Variants in AAGAB observed in about 807,000 individuals in gnomAD.
AAGAB encodes the protein alpha and gamma adaptin binding protein, also known as alpha- and gamma-adaptin-binding protein p34.
Under a neutral mutation model 44.1 loss-of-function variants are expected in AAGAB, and 38 were observed. The observed-to-expected ratio is 0.86, with a 90% CI of 0.67 to 1.13. The LOEUF (loss-of-function observed/expected upper bound fraction) is 1.13. Among genes scored for constraint, AAGAB ranks in the 50% most tolerant of loss-of-function variants. AAGAB has a pLI of 0.00. For synonymous variants in AAGAB, 131 were observed against 131.8 expected (o/e 0.99, Z 0.04); for missense variants, 450 against 373.8 (o/e 1.20, Z -1.68).
At chr15:67,222,821 GC>G (rs1964114597) in intron 5 of AAGAB, among the ~76,000 whole-genome samples, 1 of 152,004 alleles carries the variant, frequency 6.6e-6, no homozygotes. Flanking sequence ...TTTCTCTCCA[GC>G]TCTCACCTAT....
At chr15:67,215,528 T>C (rs776402632) in intron 5 of AAGAB, among the ~76,000 whole-genome samples, 21 of 152,246 alleles carry the variant, frequency 1.4e-4, no homozygotes, top group Non-Finnish European at 2.9e-4. Flanking sequence ...GTTTTTTCCA[T>C]ATTTAAAGTT....
chr15:67,248,749 C>T (rs1321987867), intron 1 of AAGAB, among the ~76,000 whole-genome samples: 3 of 152,200 alleles, frequency 2.0e-5, no homozygotes, highest in South Asian at 4.1e-4. Context: ...GCTGGCTTTC[C>T]TGTGTAACTC....
At chr15:67,211,424 C>T (rs886552534) in intron 5 of AAGAB, among the ~76,000 whole-genome samples, 6 of 152,028 alleles carry the variant, frequency 3.9e-5, no homozygotes, top group Non-Finnish European at 5.9e-5. Context: ...CTCAGAGGCC[C>T]GAGAGAAGCA....
Position 67,202,518 on chromosome 15 carries a change from A to G in AAGAB, c.*303T>C. The G allele has an allele frequency of 3.2e-6, 1 of 309,908 alleles. No homozygotes were observed. Among genetic ancestry groups the G allele is most frequent in the South Asian group, 7.3e-5 (1 of 13,754 alleles). 19.2% of individuals were successfully genotyped at this position (309,908 alleles called of 1,614,324 possible). A position where few individuals can be genotyped will look rare whatever the true frequency, so the allele number is the denominator to read the frequency against. On this transcript the variant is annotated 3_prime_UTR_variant, in exon 10 of 10. Transcript: ENST00000261880. ...AGGAATGGCCTGGAGGTTGTCTTCA[A>G]CTTGAGTAAATCACACAGACCTCTG...
At chr15:67,249,232 A>C (rs1964802862) in intron 1 of AAGAB, among the ~76,000 whole-genome samples, 1 of 152,096 alleles carries the variant, frequency 6.6e-6, no homozygotes, top group Non-Finnish European at 1.5e-5. Context: ...ATGGGGTTTC[A>C]CTATGTTGGC....
intron 4 of AAGAB, among the ~76,000 whole-genome samples, chr15:67,234,641 G>A (rs1323959286): frequency 6.6e-6 from 1 of 152,122 alleles, no homozygotes; most frequent in Non-Finnish European, 1.5e-5. Context: ...ATGAATACAA[G>A]AACATTATTC....
intron 1 of AAGAB, among the ~76,000 whole-genome samples, chr15:67,239,972 G>C (rs1964557740): frequency 6.6e-6 from 1 of 152,168 alleles, no homozygotes; most frequent in African/African-American, 2.4e-5. Flanking sequence ...TGCCTAATAG[G>C]AGCAGAGCCT....
At chr15:67,241,838 T>C (rs1048200823) in intron 1 of AAGAB, among the ~76,000 whole-genome samples, 8 of 152,172 alleles carry the variant, frequency 5.3e-5, no homozygotes, top group African/African-American at 1.9e-4. Flanking sequence ...GAGGAGTTAG[T>C]AAGATACATT....
At chr15:67,236,105 A>T (rs747399003) in intron 3 of AAGAB, 37 bp from the exon 4 acceptor site, 1 of 1,471,366 alleles carries the variant, frequency 6.8e-7, no homozygotes, top group African/African-American at 1.4e-5. Context: ...ATAAGTAAAA[A>T]GAAAATAAAA....
intron 1 of AAGAB, among the ~76,000 whole-genome samples, chr15:67,245,353 A>C (rs762926033): frequency 3.9e-5 from 6 of 152,260 alleles, no homozygotes; most frequent in Non-Finnish European, 5.9e-5. Flanking sequence ...CTTCAAAAAC[A>C]TTATGCTACG....
intron 1 of AAGAB, among the ~76,000 whole-genome samples, chr15:67,245,455 T>G (rs915597520): frequency 7.2e-5 from 11 of 152,314 alleles, no homozygotes; most frequent in South Asian, 6.2e-4. Flanking sequence ...AAAAGTACAT[T>G]AGTGGTTTCA....
At chr15:67,216,639 C>CT (rs1963957981) in intron 5 of AAGAB, among the ~76,000 whole-genome samples, 1 of 150,536 alleles carries the variant, frequency 6.6e-6, no homozygotes, top group South Asian at 2.1e-4. Context: ...AAGCTTTATT[C>CT]TAATTCCAAT....
chr15:67,243,821 C>T (rs1050630173), intron 1 of AAGAB, among the ~76,000 whole-genome samples: 1 of 152,150 alleles, frequency 6.6e-6, no homozygotes, highest in African/African-American at 2.4e-5. Context: ...AAATATCTTC[C>T]ATTTATATCT....
At chr15:67,234,488 T>G (rs1964417882) in intron 4 of AAGAB, among the ~76,000 whole-genome samples, 1 of 152,180 alleles carries the variant, frequency 6.6e-6, no homozygotes, top group Admixed American at 6.5e-5. Flanking sequence ...CATAAAGTCC[T>G]ATATTCATGT....
At chr15:67,252,891 G>T (rs1476243627) in intron 1 of AAGAB, among the ~76,000 whole-genome samples, 1 of 152,206 alleles carries the variant, frequency 6.6e-6, no homozygotes, top group Admixed American at 6.5e-5. Flanking sequence ...GTGTAGCAAA[G>T]AAATTATAAT....
chr15:67,243,386 G>T (rs548778475), intron 1 of AAGAB, among the ~76,000 whole-genome samples: 1 of 152,082 alleles, frequency 6.6e-6, no homozygotes, highest in African/African-American at 2.4e-5. Flanking sequence ...TATTTTAGAG[G>T]GGTAGGGCAC....
In AAGAB at chr15:67,202,781, CAGCT is replaced by C. The variant is rs766002314; in HGVS notation, c.*36_*39del. 1 of 1,597,556 alleles carries C rather than the reference CAGCT, an allele frequency of 6.3e-7. No homozygotes were observed. The highest frequency in any genetic ancestry group is 1.3e-5 in the African/African-American group (1 of 74,672). On this transcript the variant is annotated 3_prime_UTR_variant, in exon 10 of 10. Coordinates refer to ENST00000261880, the MANE Select transcript of AAGAB (RefSeq NM_024666.5). Reference sequence around the variant, plus strand: ...GCTGAGTAGAGAGGTATCTCAGAGACAGCTAGCATCTTTGTTGGTCAAACCCTAG... The same window carrying C: ...GCTGAGTAGAGAGGTATCTCAGAGACAGCATCTTTGTTGGTCAAACCCTAG...
chr15:67,203,645 A>G (rs1963619059), intron 8 of AAGAB, 48 bp from the exon 9 acceptor site: 1 of 1,517,288 alleles, frequency 6.6e-7, no homozygotes, highest in African/African-American at 1.4e-5. Flanking sequence ...GCACAGGATA[A>G]CCTGGAGTAT....
rs561877635 is a variant in AAGAB, at chr15:67,219,292, T to C, written c.536-9748A>G. On this transcript the variant is annotated intron_variant, in intron 5 of 9. Transcript: ENST00000261880. ...TGCACATTTATTTGTGCCTTATAGA[T>C]AAAAAGAGTAAAGATTTTTTGCCCC... is the stretch of plus-strand genomic sequence containing the variant. Among the ~76,000 whole-genome samples, 10 of 152,312 alleles carry C rather than the reference T, an allele frequency of 6.6e-5. No homozygotes were observed. The South Asian group carries it at 1.7e-3, about 25-fold the overall frequency.
Sources: allele counts gnomAD v4.1 joint callset (sites outside exome capture counted in the v4.1 genomes callset), GRCh38; gene constraint gnomAD v4.1.1; transcripts MANE v1.5; gene names NCBI Gene and HGNC (gene_info 2026-07-23, HGNC 2026-07-21).